The following PTPRR variants were observed in gnomAD, a reference collection of about 807,000 sequenced individuals.
The protein encoded by PTPRR is protein tyrosine phosphatase receptor type R.
Under a neutral mutation model 77.2 loss-of-function variants are expected in PTPRR, and 38 were observed. The observed-to-expected ratio is 0.49, with a 90% CI of 0.38 to 0.65. The LOEUF (loss-of-function observed/expected upper bound fraction) is 0.65. Among genes scored for constraint, PTPRR ranks in the 30% least tolerant of loss-of-function variants. The pLI, the probability that PTPRR is intolerant of heterozygous loss-of-function variation, is 0.00. For synonymous variants in PTPRR, 299 were observed against 283.1 expected (o/e 1.06, Z -0.57); for missense variants, 744 against 799.2 (o/e 0.93, Z 0.83).
At chr12:70,667,050 G>A (rs1268955775) in intron 10 of PTPRR, among the ~76,000 whole-genome samples, 1 of 139,432 alleles carries the variant, frequency 7.2e-6, no homozygotes, top group Admixed American at 7.8e-5. Flanking sequence ...CCGCCTCCCA[G>A]GTTCACCCCA....
intron 2 of PTPRR, among the ~76,000 whole-genome samples, chr12:70,796,981 G>C (rs184654162): frequency 1.3e-5 from 2 of 152,252 alleles, no homozygotes; most frequent in African/African-American, 2.4e-5. Flanking sequence ...CTGCACCACT[G>C]TACTCCAGCC....
At chr12:70,871,073 G>T (rs1592805274) in intron 2 of PTPRR, among the ~76,000 whole-genome samples, 1 of 152,184 alleles carries the variant, frequency 6.6e-6, no homozygotes, top group South Asian at 2.1e-4. Context: ...AGGCCAATGA[G>T]TAACGGAGAG....
chr12:70,694,538 A>C (rs1283374519), intron 8 of PTPRR, among the ~76,000 whole-genome samples: 2 of 152,188 alleles, frequency 1.3e-5, no homozygotes, highest in Non-Finnish European at 2.9e-5. Flanking sequence ...TATTCTAAGC[A>C]AATTAACACA....
intron 2 of PTPRR, 118 bp from the exon 3 acceptor site, chr12:70,764,896 CCA>C (rs1182046954): frequency 1.4e-5 from 10 of 700,102 alleles, no homozygotes; most frequent in African/African-American, 7.1e-5. Context: ...TCATGACTGA[CCA>C]CAGTTTCTGT....
chr12:70,806,945 G>A (rs1276292662), intron 2 of PTPRR, among the ~76,000 whole-genome samples: 2 of 152,136 alleles, frequency 1.3e-5, no homozygotes, highest in East Asian at 1.9e-4. Flanking sequence ...CCCACAAGAC[G>A]GGTTGGAAAA....
intron 13 of PTPRR, among the ~76,000 whole-genome samples, chr12:70,654,651 AT>A (rs1042214547): frequency 2.0e-5 from 3 of 152,210 alleles, no homozygotes; most frequent in Non-Finnish European, 2.9e-5. Flanking sequence ...ACTTCACAGC[AT>A]TTATTTCTGT....
At chr12:70,848,939 A>G (rs1892529773) in intron 2 of PTPRR, among the ~76,000 whole-genome samples, 1 of 152,210 alleles carries the variant, frequency 6.6e-6, no homozygotes, top group Non-Finnish European at 1.5e-5. Flanking sequence ...TAATTTTTTA[A>G]TATAGATAAT....
chr12:70,648,270 T>G (rs1886273071), intron 13 of PTPRR, among the ~76,000 whole-genome samples: 1 of 152,126 alleles, frequency 6.6e-6, no homozygotes, highest in African/African-American at 2.4e-5. Context: ...CTAGGAGATG[T>G]TTGGCAAATG....
At chr12:70,776,074 A>G (rs1891081229) in intron 2 of PTPRR, among the ~76,000 whole-genome samples, 1 of 152,078 alleles carries the variant, frequency 6.6e-6, no homozygotes, top group Non-Finnish European at 1.5e-5. Context: ...TGTCCCACTT[A>G]CACTTCAAAC....
intron 6 of PTPRR, among the ~76,000 whole-genome samples, chr12:70,726,030 T>C (rs551031506): frequency 6.6e-6 from 1 of 152,182 alleles, no homozygotes; most frequent in Non-Finnish European, 1.5e-5. Flanking sequence ...ACAAGTGATA[T>C]TTTTCAACAT....
intron 6 of PTPRR, among the ~76,000 whole-genome samples, chr12:70,729,151 A>G (rs150965522): frequency 1.3e-5 from 2 of 152,332 alleles, no homozygotes; most frequent in African/African-American, 4.8e-5. Context: ...ATATACTAAT[A>G]TAAATATATT....
intron 6 of PTPRR, among the ~76,000 whole-genome samples, chr12:70,727,623 G>A (rs941000265): frequency 2.0e-5 from 3 of 152,116 alleles, no homozygotes; most frequent in Non-Finnish European, 4.4e-5. Flanking sequence ...ACAGCCCTGG[G>A]AAACTCTAAA....
rs576192102 is a variant in PTPRR at position 70,862,525 on chromosome 12, G to C, written c.357+30154C>G. On this transcript the variant is annotated intron_variant, in intron 2 of 13. Coordinates refer to ENST00000283228, the MANE Select transcript of PTPRR (RefSeq NM_002849.4). ...AAACACCGCATATTCTCACTCATAG[G>C]TGGGAATTGAACAATGAGAACACAT... 2.1e-5 allele frequency among the ~76,000 whole-genome samples: 3 copies of C among 145,198 alleles called. No individual in the cohort carries two copies. The South Asian group carries it at 6.5e-4, about 32-fold the overall frequency.
At chr12:70,684,293 G>A (rs759363946) in intron 9 of PTPRR, 29 bp from the exon 10 acceptor site, 13 of 1,594,372 alleles carry the variant, frequency 8.2e-6, no homozygotes, top group Admixed American at 1.8e-5. Context: ...CAAAAATATT[G>A]GTTTTTAAGT....
intron 2 of PTPRR, among the ~76,000 whole-genome samples, chr12:70,790,512 C>A (rs916618676): frequency 6.6e-6 from 1 of 152,130 alleles, no homozygotes; most frequent in Admixed American, 6.5e-5. Context: ...CAGCCCAATG[C>A]TCAATTCTTA....
At chr12:70,808,656 G>T (rs1891754202) in intron 2 of PTPRR, among the ~76,000 whole-genome samples, 1 of 152,102 alleles carries the variant, frequency 6.6e-6, no homozygotes, top group African/African-American at 2.4e-5. Flanking sequence ...AGCAATAAAG[G>T]TCCTCTATGA....
chr12:70,836,570 C>A (rs541114339), intron 2 of PTPRR, among the ~76,000 whole-genome samples: 1 of 152,030 alleles, frequency 6.6e-6, no homozygotes, highest in Non-Finnish European at 1.5e-5. Context: ...TCATCACTCT[C>A]CTGCCCTTCT....
rs547255636 is a variant in PTPRR, at chr12:70,786,779, A to G, written c.358-22001T>C. Among the ~76,000 whole-genome samples, 3 of 152,336 alleles carry G rather than the reference A, an allele frequency of 2.0e-5. No homozygotes were observed. In the East Asian group the frequency reaches 5.8e-4, roughly 29 times the overall value. ...TGAACTATACAATTCTCCAAGAAAC[A>G]CGGTAAAATGAAATGAGGTTTATTG... On this transcript the variant is annotated intron_variant, in intron 2 of 13. Transcript: ENST00000283228.
intron 1 of PTPRR, among the ~76,000 whole-genome samples, chr12:70,898,348 A>T (rs1468357709): frequency 6.7e-6 from 1 of 150,300 alleles, no homozygotes; most frequent in African/African-American, 2.4e-5. Context: ...TATCTTGTCA[A>T]TATATGCACT....
Sources: allele counts gnomAD v4.1 joint callset (sites outside exome capture counted in the v4.1 genomes callset), GRCh38; gene constraint gnomAD v4.1.1; transcripts MANE v1.5; gene names NCBI Gene and HGNC (gene_info 2026-07-23, HGNC 2026-07-21).